CTDSPL2: variants seen among roughly 807,000 people sequenced by gnomAD.
CTDSPL2 encodes the protein CTD small phosphatase-like protein 2.
CTDSPL2 carries 5 observed loss-of-function variants against 60.0 expected under a neutral mutation model. That is an observed-to-expected ratio of 0.08 (90% CI 0.04 to 0.18). The LOEUF (loss-of-function observed/expected upper bound fraction) is 0.18, where lower values mean the gene tolerates loss of function less well. Ranked by LOEUF, CTDSPL2 falls within the 10% of genes least tolerant of loss-of-function variation. The probability of loss-of-function intolerance (pLI) is 1.00; values close to 1 mark genes in which losing one functional copy is unlikely to be tolerated. For synonymous variants in CTDSPL2, 186 were observed against 189.3 expected (o/e 0.98, Z 0.14); for missense variants, 370 against 548.8 (o/e 0.67, Z 3.26).
Position 44,484,321 on chromosome 15 carries a change from A to G in CTDSPL2, c.284A>G (p.Lys95Arg), listed in dbSNP as rs140283027. The G allele has an allele frequency of 3.7e-6, 6 of 1,613,824 alleles. No homozygotes were observed. The African/African-American group carries it at 5.3e-5, about 14-fold the overall frequency. Residue 95 changes from lysine (K) to arginine (R), a missense_variant, in exon 3 of 13, where the codon AAA becomes AGA. Coordinates refer to ENST00000260327, the MANE Select transcript of CTDSPL2 (RefSeq NM_016396.3). ...CCAAGAGCAGGAGAAAAACCTAACA[A>G]ACAGATATCTCGAGTAAGACGGAAA... ...STPRAGEKPN[K>R]QISRVRRKSQ... is the part of the protein sequence containing the mutation.
intron 8 of CTDSPL2, among the ~76,000 whole-genome samples, chr15:44,508,068 G>A (rs1021699232): frequency 1.3e-5 from 2 of 151,638 alleles, no homozygotes; most frequent in Admixed American, 1.3e-4. Context: ...GTTAATTGTA[G>A]CATCTCATTC....
At chr15:44,472,295 C>T (rs2080826499) in intron 2 of CTDSPL2, among the ~76,000 whole-genome samples, 1 of 152,164 alleles carries the variant, frequency 6.6e-6, no homozygotes, top group Admixed American at 6.5e-5. Flanking sequence ...CATCATTTTA[C>T]AGTTCCACTA....
At chr15:44,444,302 T>TACACAC (rs59993417) in intron 1 of CTDSPL2, among the ~76,000 whole-genome samples, 2,155 of 136,258 alleles carry the variant, frequency 0.016, 22 homozygotes, top group African/African-American at 0.029. Context: ...GCTTTTCCCA[T>TACACAC]ACACACACAC....
At chr15:44,466,047 G>A (rs543352206) in intron 2 of CTDSPL2, among the ~76,000 whole-genome samples, 1 of 151,920 alleles carries the variant, frequency 6.6e-6, no homozygotes, top group Admixed American at 6.6e-5. Context: ...CAATTCTCCT[G>A]CCTCAGCTTC....
intron 12 of CTDSPL2, among the ~76,000 whole-genome samples, chr15:44,523,566 A>G (rs1331981474): frequency 6.6e-6 from 1 of 152,190 alleles, no homozygotes; most frequent in Non-Finnish European, 1.5e-5. Flanking sequence ...GGATTGTGCC[A>G]CTGCATTCCA....
Position 44,490,902 on chromosome 15 carries a change from A to G in CTDSPL2, c.594A>G (p.Ala198=), listed in dbSNP as rs779617362. The G allele has an allele frequency of 6.2e-7, 1 of 1,614,088 alleles. No individual in the cohort carries two copies. The highest frequency in any genetic ancestry group is 1.1e-5 in the South Asian group (1 of 91,082). The change falls in exon 5 of 13, where the codon GCA becomes GCG. Residue 198 remains alanine, a synonymous_variant. Coordinates refer to ENST00000260327, the MANE Select transcript of CTDSPL2 (RefSeq NM_016396.3). Reference sequence around the variant, plus strand: ...GTACTACTACATCAACTAATGGAGCAGCTTACTCAAATCAAGCAGTTCAAG... The same window carrying G: ...GTACTACTACATCAACTAATGGAGCGGCTTACTCAAATCAAGCAGTTCAAG... ...TTSTTTSTNG[A]AYSNQAVQVR... is the part of the protein sequence containing the mutation.
At chr15:44,504,566 A>C (rs1006494848) in intron 8 of CTDSPL2, among the ~76,000 whole-genome samples, 1 of 152,162 alleles carries the variant, frequency 6.6e-6, no homozygotes, top group Non-Finnish European at 1.5e-5. Context: ...ATTCATCTAC[A>C]AAAGTAGCCT....
chr15:44,485,752 C>T (rs1319513465), intron 3 of CTDSPL2, among the ~76,000 whole-genome samples: 1 of 152,128 alleles, frequency 6.6e-6, no homozygotes, highest in South Asian at 2.1e-4. Context: ...CAATTTCTCC[C>T]CTTGTCTCTG....
rs558774037 is a variant in CTDSPL2, at chr15:44,430,343, C to T, written c.-25+2571C>T. Among the ~76,000 whole-genome samples, 160 of 152,042 alleles carry T rather than the reference C, an allele frequency of 1.1e-3. 2 individuals carry two copies. Among genetic ancestry groups the T allele is most frequent in the Admixed American group, 2.4e-3 (36 of 15,244 alleles). On this transcript the variant is annotated intron_variant, in intron 1 of 12. Transcript: ENST00000260327. ...GGAGTGCAGTAGTGAACCCCTGGGC[C>T]TATGCAGTCCTCCTGCTTCAGCCTC... is the stretch of plus-strand genomic sequence containing the variant.
chr15:44,494,223 C>T (rs112639884), intron 5 of CTDSPL2, among the ~76,000 whole-genome samples: 1 of 152,254 alleles, frequency 6.6e-6, no homozygotes, highest in Non-Finnish European at 1.5e-5. Context: ...AAGATAAGCT[C>T]TTAGCTCAAA....
chr15:44,453,600 A>G (rs1427751323), intron 1 of CTDSPL2, among the ~76,000 whole-genome samples: 1 of 46,394 alleles, frequency 2.2e-5, no homozygotes, highest in East Asian at 6.8e-4. Context: ...GACAGGCCCC[A>G]GTGTGTGATA....
At chr15:44,523,843 G>T (rs1028066222) in intron 12 of CTDSPL2, among the ~76,000 whole-genome samples, 2 of 152,176 alleles carry the variant, frequency 1.3e-5, no homozygotes, top group African/African-American at 2.4e-5. Context: ...AAGTTGCAGT[G>T]AGCTGAGATT....
In CTDSPL2 at chr15:44,486,475, A is replaced by G. The variant is rs1192763276; in HGVS notation, c.326-76A>G. On this transcript the variant is annotated intron_variant, in intron 3 of 12. Transcript: ENST00000260327. ...TTTTGAGGGAAAAAGAGTTACTTCT[A>G]TAATGAATGATTTATAACACACTTC... 3.6e-5 allele frequency: 37 copies of G among 1,039,432 alleles called. No individual in the cohort carries two copies. The South Asian group carries it at 4.5e-4, about 13-fold the overall frequency. 64.4% of individuals were successfully genotyped at this position (1,039,432 alleles called of 1,614,324 possible).
At chr15:44,518,608 A>G (rs748392441) in intron 10 of CTDSPL2, 4 of 152,170 alleles carry the variant, frequency 2.6e-5, no homozygotes, top group African/African-American at 4.8e-5. Context: ...TTCAAATGCC[A>G]ACACAAAAAC....
rs184343232 is a variant in CTDSPL2, at chr15:44,504,878, C to T, written c.969+5065C>T. ...AACTAATATTTTAGCTTGTAGGGAA[C>T]AATAATTCAATAATTAATTGTAGAT... On this transcript the variant is annotated intron_variant, in intron 8 of 12. Transcript: ENST00000260327. Among the ~76,000 whole-genome samples the T allele has an allele frequency of 5.3e-3, 801 of 151,496 alleles. 1 individual carries two copies. Among genetic ancestry groups the T allele is most frequent in the Middle Eastern group, 0.014 (4 of 294 alleles).
In CTDSPL2 at chr15:44,527,221, C is replaced by T. The variant is rs1270837847; in HGVS notation, c.*3047C>T. The T allele has an allele frequency of 6.6e-6, 1 of 152,380 alleles. No individual in the cohort carries two copies. The highest frequency in any genetic ancestry group is 6.6e-5 in the Admixed American group (1 of 15,238). The allele number at this position is 152,380 out of a possible 1,614,324, so 9.4% of individuals were successfully genotyped here. A position where few individuals can be genotyped will look rare whatever the true frequency, so the allele number is the denominator to read the frequency against. On this transcript the variant is annotated 3_prime_UTR_variant, in exon 13 of 13. Transcript: ENST00000260327. ...TCTATAAACGGCTATTTTCTTGTAA[C>T]TGTCAGTGAAATGAATGTGTACATT...
chr15:44,493,085 T>C (rs941549579), intron 5 of CTDSPL2, among the ~76,000 whole-genome samples: 3 of 145,388 alleles, frequency 2.1e-5, no homozygotes, highest in African/African-American at 8.0e-5. Context: ...TATGAGCACC[T>C]TTTTTTTTTG....
intron 1 of CTDSPL2, among the ~76,000 whole-genome samples, chr15:44,444,283 A>G (rs921519173): frequency 2.0e-5 from 3 of 149,402 alleles, no homozygotes; most frequent in Non-Finnish European, 3.0e-5. Flanking sequence ...GCCAAATCCA[A>G]TGTTATGAGC....
chr15:44,476,981 T>C lies in CTDSPL2; in HGVS notation c.187-7243T>C, dbSNP rs577189252. ...GCTTATGCCTTTAATCCTAGGACTT[T>C]GGAAGGCTGTGGTGAAAGGATCGCT... On this transcript the variant is annotated intron_variant, in intron 2 of 12. Coordinates refer to ENST00000260327, the MANE Select transcript of CTDSPL2 (RefSeq NM_016396.3). Among the ~76,000 whole-genome samples the C allele has an allele frequency of 1.6e-4, 25 of 152,340 alleles. 1 individual carries two copies. In the South Asian group the frequency reaches 2.3e-3, roughly 14 times the overall value.
Sources: allele counts gnomAD v4.1 joint callset (sites outside exome capture counted in the v4.1 genomes callset), GRCh38; gene constraint gnomAD v4.1.1; transcripts MANE v1.5; gene names NCBI Gene and HGNC (gene_info 2026-07-23, HGNC 2026-07-21).